The following PDE4C variants were observed in gnomAD, a reference collection of about 807,000 sequenced individuals.
PDE4C encodes the protein 3',5'-cyclic-AMP phosphodiesterase 4C.
In PDE4C, 50 loss-of-function variants were observed where a neutral mutation model predicts 63.9. The ratio of observed to expected loss-of-function variants is 0.78; its 90% CI spans 0.62 to 0.99. The LOEUF (loss-of-function observed/expected upper bound fraction) is 0.99. Among genes scored for constraint, PDE4C ranks in the 50% least tolerant of loss-of-function variants. PDE4C has a pLI of 0.00. For synonymous variants in PDE4C, 377 were observed against 385.1 expected, an observed-to-expected ratio of 0.98 and a Z score of 0.25; for missense variants, 777 against 899.1, an observed-to-expected ratio of 0.86 and a Z score of 1.74.
chr19:18,222,672 TCTCTCTCTCTC>T (rs1968541351), intron 1 of PDE4C, among the ~76,000 whole-genome samples: 1 of 138,432 alleles, frequency 7.2e-6, no homozygotes, highest in Non-Finnish European at 1.6e-5. Flanking sequence ...TCTCTCTCTC[TCTCTCTCTCTC>T]TCTCGCCCTT....
At chr19:18,211,721 T>A in intron 14 of PDE4C, 38 bp downstream of exon 14, 1 of 1,609,492 alleles carries the variant, frequency 6.2e-7, no homozygotes, top group East Asian at 2.2e-5. Context: ...TTTTACTTCC[T>A]CCCAGTGTCT....
chr19:18,220,853 G>A lies in PDE4C; in HGVS notation c.499+21C>T, dbSNP rs781737878. ...GCTCCCAGCTGTCCTCAGCGGGGGAGGGAAGGAACAGGTACTTTACCTGCA... is the reference window on the plus strand; with the variant it reads ...GCTCCCAGCTGTCCTCAGCGGGGGAAGGAAGGAACAGGTACTTTACCTGCA... On this transcript the variant is annotated intron_variant, in intron 5 of 14. Transcript: ENST00000262805. This position sits in a 1 kb window ranked among gnomAD's most constrained non-coding sequence, Gnocchi z 5.1. 8.7e-6 allele frequency: 14 copies of A among 1,604,826 alleles called. No individual in the cohort carries two copies. The highest frequency in any genetic ancestry group is 6.0e-6 in the Non-Finnish European group (7 of 1,176,316).
At position 18,211,293 on chromosome 19, in the gene PDE4C, G is replaced by C. The variant is rs955971543; in HGVS notation, c.1696-17C>G. The C allele has an allele frequency of 9.1e-6, 14 of 1,544,500 alleles. No individual in the cohort carries two copies. The highest frequency in any genetic ancestry group is 1.2e-5 in the Non-Finnish European group (14 of 1,141,422). Reference sequence around the variant, plus strand: ...GAAACCCACCTGTGGCGGGGGGTGGGGCATGTCGGCATTTGGTGAGTTACA... The same window carrying C: ...GAAACCCACCTGTGGCGGGGGGTGGCGCATGTCGGCATTTGGTGAGTTACA... On this transcript the variant is annotated splice_polypyrimidine_tract_variant and intron_variant, in intron 14 of 14. Coordinates refer to ENST00000262805, the Ensembl canonical transcript of PDE4C.
intron 1 of PDE4C, among the ~76,000 whole-genome samples, chr19:18,243,347 A>G (rs1377331379): frequency 6.6e-6 from 1 of 152,108 alleles, no homozygotes; most frequent in African/African-American, 2.4e-5. Flanking sequence ...ACCTCACGGG[A>G]TCCACCCACC....
chr19:18,239,100 G>T (rs541323799), intron 1 of PDE4C, among the ~76,000 whole-genome samples: 1 of 152,008 alleles, frequency 6.6e-6, no homozygotes, highest in East Asian at 1.9e-4. Flanking sequence ...TATAAATGCC[G>T]TTCCAATAGT....
chr19:18,213,337 A>G, intron 13 of PDE4C, 31 bp downstream of exon 13: 1 of 1,554,838 alleles, frequency 6.4e-7, no homozygotes, highest in Non-Finnish European at 8.7e-7. Flanking sequence ...AAATTTAAAA[A>G]GGAAGCCCCA....
chr19:18,229,006 G>T (rs1275844631), upstream of PDE4C, among the ~76,000 whole-genome samples: 2 of 152,042 alleles, frequency 1.3e-5, no homozygotes, highest in Admixed American at 6.6e-5. Context: ...CACAATCTCG[G>T]CTCACTGAAA....
chr19:18,253,784 T>C, the PDE4C span, among the ~76,000 whole-genome samples: 17 of 152,056 alleles, frequency 1.1e-4, no homozygotes, highest in Admixed American at 1.1e-3. Flanking sequence ...TCACATCCCA[T>C]CCCAGGCATG....
chr19:18,212,018 G>T, intron 13 of PDE4C, 77 bp from the exon 14 acceptor site: 1 of 1,441,722 alleles, frequency 6.9e-7, no homozygotes, highest in East Asian at 2.3e-5. Context: ...AGACAGGCTT[G>T]GTGCCATGGA....
chr19:18,246,162 C>T (rs571167105), intron 1 of PDE4C, among the ~76,000 whole-genome samples: 9 of 148,004 alleles, frequency 6.1e-5, no homozygotes, highest in African/African-American at 2.2e-4. Context: ...ATTACAGGTG[C>T]CCGCCACCAC....
At chr19:18,215,900 G>A (rs1007354709) in intron 12 of PDE4C, among the ~76,000 whole-genome samples, 8 of 145,260 alleles carry the variant, frequency 5.5e-5, no homozygotes, top group South Asian at 2.1e-4. Context: ...TGCAATCTCC[G>A]CTCACTGCCA....
upstream of PDE4C, among the ~76,000 whole-genome samples, chr19:18,234,509 G>A (rs1223389405): frequency 6.6e-6 from 1 of 152,164 alleles, no homozygotes; most frequent in Non-Finnish European, 1.5e-5. Flanking sequence ...ACTGAAGTAG[G>A]CATGAACAGC....
exon 10 of PDE4C, chr19:18,218,481 C>T: frequency 6.2e-7 from 1 of 1,614,246 alleles, no homozygotes; most frequent in Non-Finnish European, 8.5e-7. Context: ...TCTGGAATGT[C>T]TTCAGCAGGT....
At chr19:18,249,812 A>C (rs1468145036), upstream of PDE4C, 4 of 254,030 alleles carry the variant, frequency 1.6e-5, no homozygotes, top group African/African-American at 8.9e-5. Context: ...AGCTCAGGAG[A>C]TCTGCCCGCC....
At chr19:18,235,304 G>A (rs901217246), upstream of PDE4C, among the ~76,000 whole-genome samples, 8 of 152,112 alleles carry the variant, frequency 5.3e-5, no homozygotes, top group Non-Finnish European at 7.4e-5. Flanking sequence ...CCAAGTAGCT[G>A]GGATTACAAG....
exon 1 of PDE4C, chr19:18,233,204 G>C: frequency 6.4e-7 from 1 of 1,555,872 alleles, no homozygotes; most frequent in South Asian, 1.2e-5. Context: ...GCCAGAGAAA[G>C]GGGTCTGGGA....
chr19:18,242,568 G>A (rs1158416367), intron 1 of PDE4C, among the ~76,000 whole-genome samples: 1 of 150,560 alleles, frequency 6.6e-6, no homozygotes, highest in Non-Finnish European at 1.5e-5. Flanking sequence ...GATTGCCTGA[G>A]TTCAGGAGTT....
At chr19:18,245,390 C>T (rs188570584) in intron 1 of PDE4C, among the ~76,000 whole-genome samples, 533 of 152,124 alleles carry the variant, frequency 3.5e-3, no homozygotes, top group Non-Finnish European at 6.3e-3. Context: ...GTCTCAAACT[C>T]CTGTCCTCAA....
chr19:18,218,113 C>T (rs754163167), intron 11 of PDE4C, 36 bp downstream of exon 11: 9 of 1,504,950 alleles, frequency 6.0e-6, no homozygotes, highest in Non-Finnish European at 7.4e-6. Flanking sequence ...GCAGGGTCCA[C>T]CTCTTCTCCT....
Sources: allele counts gnomAD v4.1 joint callset (sites outside exome capture counted in the v4.1 genomes callset), GRCh38; gene constraint gnomAD v4.1.1; non-coding constraint Gnocchi (gnomAD v3.1); transcripts MANE v1.5; gene names NCBI Gene and HGNC (gene_info 2026-07-23, HGNC 2026-07-21).